LNP1: variants seen among roughly 807,000 people sequenced by gnomAD.
The protein encoded by LNP1 is leukemia NUP98 fusion partner 1.
LNP1 carries 12 observed loss-of-function variants against 14.5 expected under a neutral mutation model. The observed-to-expected ratio is 0.83, with a 90% CI of 0.53 to 1.34. The LOEUF (loss-of-function observed/expected upper bound fraction) is 1.34. Ranked by LOEUF, LNP1 falls within the 40% of genes most tolerant of loss-of-function variation. LNP1 has a pLI of 0.00. For synonymous variants in LNP1, 75 were observed against 71.4 expected (o/e 1.05, Z -0.26); for missense variants, 198 against 210.9 (o/e 0.94, Z 0.38).
intron 1 of LNP1, among the ~76,000 whole-genome samples, chr3:100,417,371 CTTTTTTT>C (rs562000656): frequency 5.1e-4 from 33 of 64,626 alleles, no homozygotes; most frequent in East Asian, 2.6e-3. Context: ...TTTCTTTTTT[CTTTTTTT>C]TTTTTTTTTT....
At chr3:100,439,398 T>C (rs1707323514) in intron 2 of LNP1, among the ~76,000 whole-genome samples, 1 of 152,072 alleles carries the variant, frequency 6.6e-6, no homozygotes, top group African/African-American at 2.4e-5. Context: ...TCCCTCAATG[T>C]CTCATTCCAG....
intron 1 of LNP1, among the ~76,000 whole-genome samples, chr3:100,414,692 G>C (rs1576226694): frequency 1.3e-5 from 2 of 152,154 alleles, no homozygotes; most frequent in East Asian, 1.9e-4. Context: ...TTATGGAGGG[G>C]CCACATAGCA....
chr3:100,429,741 A>G lies in LNP1; in HGVS notation c.12A>G (p.Lys4=). Residue 4 remains lysine (K), a synonymous_variant, in exon 2 of 4, where the codon AAA becomes AAG. Coordinates refer to ENST00000383693, the MANE Select transcript of LNP1 (RefSeq NM_001085451.2). Reference sequence around the variant, plus strand: ...GGCATCACCTTTACATGGAGCACAAAGATGATGATGATGATGATGTGTCTT... The same window carrying G: ...GGCATCACCTTTACATGGAGCACAAGGATGATGATGATGATGATGTGTCTT... MEH[K]DDDDDDVSFA... is the part of the protein sequence containing the mutation. 6.2e-7 allele frequency: 1 copy of G among 1,613,366 alleles called. No homozygotes were observed. Among genetic ancestry groups the G allele is most frequent in the Non-Finnish European group, 8.5e-7 (1 of 1,179,556 alleles).
At chr3:100,420,587 G>A (rs1020282717) in intron 1 of LNP1, among the ~76,000 whole-genome samples, 9 of 152,126 alleles carry the variant, frequency 5.9e-5, no homozygotes, top group African/African-American at 1.9e-4. Flanking sequence ...AAAGTGCTGG[G>A]ATTACAGGTG....
intron 2 of LNP1, among the ~76,000 whole-genome samples, chr3:100,438,557 G>A (rs149423658): frequency 1.7e-3 from 253 of 152,230 alleles, no homozygotes; most frequent in Middle Eastern, 3.4e-3. Context: ...ATAATGGCAC[G>A]CACCTACCAT....
intron 2 of LNP1, among the ~76,000 whole-genome samples, chr3:100,432,497 T>C (rs1048123219): frequency 6.6e-6 from 1 of 152,196 alleles, no homozygotes; most frequent in Non-Finnish European, 1.5e-5. Context: ...AAATACAAAT[T>C]TGGCAGAAAG....
chr3:100,413,089 A>T (rs967358405), intron 1 of LNP1, among the ~76,000 whole-genome samples: 2 of 152,212 alleles, frequency 1.3e-5, no homozygotes, highest in African/African-American at 4.8e-5. Flanking sequence ...CACCAGAAAT[A>T]GTCTACTTCC....
intron 2 of LNP1, among the ~76,000 whole-genome samples, chr3:100,432,884 G>A (rs917730706): frequency 6.6e-6 from 1 of 152,136 alleles, no homozygotes; most frequent in Admixed American, 6.6e-5. Flanking sequence ...CTAAATGAAA[G>A]ATCTTTGGGA....
intron 1 of LNP1, among the ~76,000 whole-genome samples, chr3:100,410,441 G>A (rs538829029): frequency 6.6e-6 from 1 of 152,328 alleles, no homozygotes; most frequent in South Asian, 2.1e-4. Flanking sequence ...TTGTGTCCTA[G>A]TGTTGTGCAA....
intron 1 of LNP1, among the ~76,000 whole-genome samples, chr3:100,406,649 C>G (rs2148898098): frequency 1.3e-5 from 2 of 152,252 alleles, no homozygotes; most frequent in Middle Eastern, 6.8e-3. Flanking sequence ...ATTCTCCTGC[C>G]TCAGCCTCCC....
At chr3:100,404,148 A>G (rs901596224) in intron 1 of LNP1, among the ~76,000 whole-genome samples, 1 of 152,232 alleles carries the variant, frequency 6.6e-6, no homozygotes, top group African/African-American at 2.4e-5. Flanking sequence ...TTACAACTTT[A>G]TAATTAGGCT....
In LNP1 at chr3:100,422,709, G is replaced by A. The variant is rs919966769; in HGVS notation, c.-33-6988G>A. On this transcript the variant is annotated intron_variant, in intron 1 of 3. Coordinates refer to ENST00000383693, the MANE Select transcript of LNP1 (RefSeq NM_001085451.2). ...GCCCACCTTTAGCCAAAATCCTGAA[G>A]AATTTAATGATGCTTAATGCCAAGG... Among the ~76,000 whole-genome samples, 3 of 149,146 alleles carry A rather than the reference G, an allele frequency of 2.0e-5. No homozygotes were observed. In the Admixed American group the frequency reaches 2.0e-4, roughly 10 times the overall value.
At chr3:100,445,582 C>A (rs1707379742) in intron 2 of LNP1, among the ~76,000 whole-genome samples, 1 of 152,052 alleles carries the variant, frequency 6.6e-6, no homozygotes, top group Non-Finnish European at 1.5e-5. Flanking sequence ...GATGTAAGAA[C>A]CTTAATTAAA....
chr3:100,437,734 GATT>G (rs1395108963), intron 2 of LNP1, among the ~76,000 whole-genome samples: 1 of 152,114 alleles, frequency 6.6e-6, no homozygotes, highest in Non-Finnish European at 1.5e-5. Context: ...AAGACCTATA[GATT>G]ATTATTACTA....
chr3:100,451,629 C>G lies in LNP1; in HGVS notation c.157-90C>G, dbSNP rs1707438441. ...TAATATATCAATTCAACATGAGATT[C>G]ATTTAGTTACTAGTTTATAAACATT... On this transcript the variant is annotated intron_variant, in intron 2 of 3. Transcript: ENST00000383693. The G allele has an allele frequency of 4.6e-6, 3 of 656,070 alleles. No individual in the cohort carries two copies. In the Admixed American group the frequency reaches 8.5e-5, roughly 19 times the overall value. The allele number at this position is 656,070 out of a possible 1,614,324, so 40.6% of individuals were successfully genotyped here.
intron 2 of LNP1, among the ~76,000 whole-genome samples, chr3:100,443,136 A>G (rs928372658): frequency 1.3e-5 from 2 of 152,228 alleles, no homozygotes; most frequent in African/African-American, 4.8e-5. Context: ...TTATGAAAGC[A>G]CAGCCTGGAT....
At chr3:100,451,646 A>G in intron 2 of LNP1, 73 bp from the exon 3 acceptor site, 1 of 680,702 alleles carries the variant, frequency 1.5e-6, no homozygotes, top group Non-Finnish European at 2.5e-6. Flanking sequence ...TTACTAGTTT[A>G]TAAACATTCT....
intron 1 of LNP1, among the ~76,000 whole-genome samples, chr3:100,426,602 G>T (rs1352348624): frequency 1.3e-5 from 2 of 152,196 alleles, no homozygotes; most frequent in Non-Finnish European, 2.9e-5. Flanking sequence ...GATTATATAA[G>T]AACTTATTAG....
Position 100,426,058 on chromosome 3 carries a change from G to T in LNP1, c.-33-3639G>T, listed in dbSNP as rs941807683. On this transcript the variant is annotated intron_variant, in intron 1 of 3. Transcript: ENST00000383693. ...CCCTATCTGTCAGGAGTGGATGGAG[G>T]GGTCCCACTCTCTGTGATGTGCTCT... Among the ~76,000 whole-genome samples the T allele has an allele frequency of 5.9e-5, 9 of 152,192 alleles. No homozygotes were observed. In the East Asian group the frequency reaches 9.6e-4, roughly 16 times the overall value.
Sources: gnomAD v4.1 joint callset for allele counts (sites outside exome capture counted in the v4.1 genomes callset) on GRCh38, gnomAD v4.1.1 for gene constraint, MANE v1.5 for transcripts, NCBI Gene and HGNC (gene_info 2026-07-23, HGNC 2026-07-21) for gene names.